Variants in PCDHGA3 observed in about 807,000 individuals in gnomAD.
The protein encoded by PCDHGA3 is protocadherin gamma-A3.
PCDHGA3 carries 40 observed loss-of-function variants against 58.5 expected under a neutral mutation model. The ratio of observed to expected loss-of-function variants is 0.68; its 90% CI spans 0.53 to 0.89. PCDHGA3 has a LOEUF of 0.89. Ranked by LOEUF, PCDHGA3 falls within the 40% of genes least tolerant of loss-of-function variation. PCDHGA3 has a pLI of 0.00. For missense variants in PCDHGA3, 1,223 were observed against 1,195.9 expected, an observed-to-expected ratio of 1.02 and a Z score of -0.33; for synonymous variants, 530 against 525.7, an observed-to-expected ratio of 1.01 and a Z score of -0.11.
At chr5:141,443,054 A>G (rs1591749542) in intron 1 of PCDHGA3, among the ~76,000 whole-genome samples, 1 of 152,218 alleles carries the variant, frequency 6.6e-6, no homozygotes. Flanking sequence ...TTATTGTTCC[A>G]CTGAAGAGCG....
At chr5:141,372,615 C>T (rs1244865693) in intron 1 of PCDHGA3, 1 of 1,613,968 alleles carries the variant, frequency 6.2e-7, no homozygotes, top group South Asian at 1.1e-5. Context: ...TGGAGTTCTC[C>T]CCACCTACAG....
intron 2 of PCDHGA3, 84 bp downstream of exon 2, chr5:141,494,949 C>A (rs1193148622): frequency 6.2e-7 from 1 of 1,606,850 alleles, no homozygotes; most frequent in Non-Finnish European, 8.5e-7. Context: ...GAGGGCCCAG[C>A]ATTTGCTACA....
intron 1 of PCDHGA3, chr5:141,410,849 C>CTTTTGTTTTTTTTTTTTTTTTTT (rs2095432564): frequency 7.7e-6 from 1 of 129,786 alleles, no homozygotes; most frequent in Non-Finnish European, 1.3e-5. Flanking sequence ...TTGTCTTTGT[C>CTTTTGTTTTTTTTTTTTTTTTTT]TTTTTTTTTT....
chr5:141,436,743 C>A (rs991678215), intron 1 of PCDHGA3, among the ~76,000 whole-genome samples: 3 of 152,158 alleles, frequency 2.0e-5, no homozygotes, highest in Non-Finnish European at 4.4e-5. Flanking sequence ...TTTTTGTGTG[C>A]TTCTCCATAT....
intron 1 of PCDHGA3, chr5:141,424,569 C>A (rs1436039976): frequency 6.6e-6 from 1 of 151,996 alleles, no homozygotes; most frequent in African/African-American, 2.4e-5. Flanking sequence ...TCTCAAAAAC[C>A]TATTTTCAAA....
rs777925358 is a variant in PCDHGA3 at position 141,477,657 on chromosome 5, G to T, written c.2425-17150G>T. ...GTGGGTCGCTATTTCACAATAAATC[G>T]TGACAATGGCATAGTGTCATCCTTA... On this transcript the variant is annotated intron_variant, in intron 1 of 3. Transcript: ENST00000253812. This position sits in a 1 kb window ranked among gnomAD's most constrained non-coding sequence, Gnocchi z 4.9. 6.8e-6 allele frequency: 11 copies of T among 1,614,072 alleles called. No individual in the cohort carries two copies. Among genetic ancestry groups the T allele is most frequent in the South Asian group, 2.2e-5 (2 of 91,090 alleles).
chr5:141,405,364 C>G, intron 1 of PCDHGA3: 1 of 1,613,548 alleles, frequency 6.2e-7, no homozygotes, highest in Non-Finnish European at 8.5e-7. Context: ...TAGAAGACAC[C>G]CCTTTGGTTC....
At chr5:141,492,312 C>G (rs1470136040) in intron 1 of PCDHGA3, among the ~76,000 whole-genome samples, 3 of 152,230 alleles carry the variant, frequency 2.0e-5, no homozygotes, top group Non-Finnish European at 4.4e-5. Context: ...CGCACGCACT[C>G]CTCGCACGTG....
At chr5:141,510,653 T>G (rs1388568365) in intron 3 of PCDHGA3, among the ~76,000 whole-genome samples, 1 of 152,184 alleles carries the variant, frequency 6.6e-6, no homozygotes, top group Non-Finnish European at 1.5e-5. Context: ...ATCCCCATTT[T>G]GCAGATGAGA....
rs372460685 is a variant in PCDHGA3 at position 141,365,741 on chromosome 5, A to G, written c.2424+19284A>G. 63 of 1,613,506 alleles carry G rather than the reference A, an allele frequency of 3.9e-5. No individual in the cohort carries two copies. In the Middle Eastern group the frequency reaches 1.6e-3, roughly 42 times the overall value. On this transcript the variant is annotated intron_variant, in intron 1 of 3. Coordinates refer to ENST00000253812, the MANE Select transcript of PCDHGA3 (RefSeq NM_018916.4). ...AGAAAACAATCCCAGAGGTGTCTCT[A>G]TCTTCTCTGTGACAGCCCATGACCC...
rs899154780 is a variant in PCDHGA3, at chr5:141,402,932, A to C, written c.2424+56475A>C. ...AGCGCGCACAGAGATCCTTTTGAGAAAATTCCAAAGCGAGGCAGCAATGGC... is the reference window on the plus strand; with the variant it reads ...AGCGCGCACAGAGATCCTTTTGAGACAATTCCAAAGCGAGGCAGCAATGGC... On this transcript the variant is annotated intron_variant, in intron 1 of 3. Coordinates refer to ENST00000253812, the MANE Select transcript of PCDHGA3 (RefSeq NM_018916.4). 3 of 1,584,974 alleles carry C rather than the reference A, an allele frequency of 1.9e-6. No individual in the cohort carries two copies. In the Admixed American group the frequency reaches 5.4e-5, roughly 29 times the overall value.
intron 1 of PCDHGA3, among the ~76,000 whole-genome samples, chr5:141,367,985 T>C (rs1158650986): frequency 6.6e-6 from 1 of 152,224 alleles, no homozygotes; most frequent in African/African-American, 2.4e-5. Flanking sequence ...CTTAAATTAA[T>C]AGATTTGTCT....
At chr5:141,394,992 G>T (rs1392246245) in intron 1 of PCDHGA3, 50 of 1,614,044 alleles carry the variant, frequency 3.1e-5, no homozygotes, top group Non-Finnish European at 4.2e-5. Context: ...CCTGCTCCAG[G>T]ATTCCGGTGG....
intron 1 of PCDHGA3, chr5:141,478,453 C>T: frequency 6.2e-7 from 1 of 1,613,594 alleles, no homozygotes; most frequent in Non-Finnish European, 8.5e-7. Context: ...CTGGTGCAGC[C>T]AGTCCACTGG....
rs142995927 is a variant in PCDHGA3, at chr5:141,489,933, C to T, written c.2425-4874C>T. 38 of 1,614,064 alleles carry T rather than the reference C, an allele frequency of 2.4e-5. No homozygotes were observed. The highest frequency in any genetic ancestry group is 1.8e-4 in the South Asian group (16 of 91,084). On this transcript the variant is annotated intron_variant, in intron 1 of 3. Transcript: ENST00000253812. This position sits in a 1 kb window ranked among gnomAD's most constrained non-coding sequence, Gnocchi z 4.5. ...CAGGGACCACCCTTATCTCTGTCAT[C>T]GTGCTGGACATCAATGATAATGCTC...
At chr5:141,360,076 T>C (rs890042967) in intron 1 of PCDHGA3, 1 of 1,480,118 alleles carries the variant, frequency 6.8e-7, no homozygotes, top group Non-Finnish European at 9.0e-7. Context: ...TTAGCCCGGA[T>C]TCTGCCATCC....
At position 141,345,587 on chromosome 5, in the gene PCDHGA3, A is replaced by T. The variant is rs1366965342; in HGVS notation, c.1554A>T (p.Arg518Ser). ...ACACTGGCGTCCTATACGCGCTGAGATCCTTCGACTACGAGCAATTTAGAG... is the reference window on the plus strand; with the variant it reads ...ACACTGGCGTCCTATACGCGCTGAGTTCCTTCGACTACGAGCAATTTAGAG... Reference protein sequence around the residue: ...NSNTGVLYALRSFDYEQFRDL... With the variant: ...NSNTGVLYALSSFDYEQFRDL... The change falls in exon 1 of 4, where the codon AGA becomes AGT. Residue 518 changes from arginine (R) to serine (S), a missense_variant. Arg to Ser is a moderately radical substitution (Grantham distance 110, BLOSUM62 -1). Transcript: ENST00000253812. 5 of 1,614,106 alleles carry T rather than the reference A, an allele frequency of 3.1e-6. No homozygotes were observed. Among genetic ancestry groups the T allele is most frequent in the Non-Finnish European group, 4.2e-6 (5 of 1,180,016 alleles).
rs776657082 is a variant in PCDHGA3, at chr5:141,432,778, G to A, written c.2425-62029G>A. On this transcript the variant is annotated intron_variant, in intron 1 of 3. Coordinates refer to ENST00000253812, the MANE Select transcript of PCDHGA3 (RefSeq NM_018916.4). The surrounding 1 kb of genome is among the most constrained non-coding windows in gnomAD (Gnocchi z 6.0). ...CCGACAGCATCCCCCAAGTCCTGGC[G>A]GACCTCGGCAGCCTCGAGTCTCCAG... 6.2e-7 allele frequency: 1 copy of A among 1,614,166 alleles called. No homozygotes were observed. Among genetic ancestry groups the A allele is most frequent in the Non-Finnish European group, 8.5e-7 (1 of 1,180,002 alleles).
chr5:141,384,812 T>C, intron 1 of PCDHGA3: 1 of 1,613,428 alleles, frequency 6.2e-7, no homozygotes, highest in African/African-American at 1.3e-5. Context: ...AGAGATGCCC[T>C]CAAGCAGAGC....
Sources: allele counts gnomAD v4.1 joint callset (sites outside exome capture counted in the v4.1 genomes callset), GRCh38; gene constraint gnomAD v4.1.1; non-coding constraint Gnocchi (gnomAD v3.1); transcripts MANE v1.5; gene names NCBI Gene and HGNC (gene_info 2026-07-23, HGNC 2026-07-21).